TAFA4: variants seen among roughly 807,000 people sequenced by gnomAD.
TAFA4 encodes the protein chemokine-like protein TAFA-4.
In TAFA4, 20 loss-of-function variants were observed where a neutral mutation model predicts 21.1. The observed-to-expected ratio is 0.95, with a 90% CI of 0.67 to 1.38. TAFA4 has a LOEUF of 1.38. TAFA4 is among the 40% of genes most tolerant of loss of function. The pLI is 0.00. For synonymous variants in TAFA4, 71 were observed against 67.4 expected (o/e 1.05, Z -0.26); for missense variants, 211 against 180.9 (o/e 1.17, Z -0.95).
At position 68,752,977 on chromosome 3, in the gene TAFA4, C is replaced by T. The variant is rs35815841; in HGVS notation, c.172G>A (p.Val58Met). Residue 58 changes from valine to methionine, a missense_variant, in exon 4 of 6, where the codon GTG becomes ATG. Transcript: ENST00000295569. ...CGGTTCTTATTGCAGCACCTGTGCA[C>T]GGCGACCACCTCACAGGTCCCTTGC... ...IKQGTCEVVAVHRCCNKNRIE... is the reference protein window; with the variant it reads ...IKQGTCEVVAMHRCCNKNRIE... 1.1e-5 allele frequency: 18 copies of T among 1,613,720 alleles called. No homozygotes were observed. The highest frequency in any genetic ancestry group is 2.2e-5 in the South Asian group (2 of 91,066).
At chr3:68,924,468 G>C (rs1038126458) in intron 1 of TAFA4, among the ~76,000 whole-genome samples, 6 of 152,172 alleles carry the variant, frequency 3.9e-5, no homozygotes, top group Admixed American at 2.6e-4. Context: ...TGGCTGTCAG[G>C]AACTAGAAGG....
At chr3:68,904,204 GC>G (rs2089874241) in intron 1 of TAFA4, among the ~76,000 whole-genome samples, 1 of 152,184 alleles carries the variant, frequency 6.6e-6, no homozygotes, top group Admixed American at 6.5e-5. Context: ...CCTTCAGAAA[GC>G]CTATTTCAAA....
chr3:68,785,674 G>T (rs1383997765), intron 3 of TAFA4, among the ~76,000 whole-genome samples: 1 of 152,246 alleles, frequency 6.6e-6, no homozygotes, highest in Non-Finnish European at 1.5e-5. Context: ...CAAGCTGAGG[G>T]AGACGGCTCC....
At chr3:68,770,792 G>A (rs1702941243) in intron 3 of TAFA4, among the ~76,000 whole-genome samples, 1 of 152,184 alleles carries the variant, frequency 6.6e-6, no homozygotes, top group Non-Finnish European at 1.5e-5. Context: ...GGTAGAGAAG[G>A]GTGGGGTCCC....
At chr3:68,906,234 G>A (rs1011475891) in intron 1 of TAFA4, among the ~76,000 whole-genome samples, 13 of 152,166 alleles carry the variant, frequency 8.5e-5, no homozygotes, top group African/African-American at 2.2e-4. Context: ...TGTCCTGGGC[G>A]ATGATACATT....
At chr3:68,920,755 G>C (rs184424607) in intron 1 of TAFA4, among the ~76,000 whole-genome samples, 348 of 150,272 alleles carry the variant, frequency 2.3e-3, no homozygotes, top group Non-Finnish European at 3.8e-3. Context: ...TGCAGCCTAA[G>C]TGGCTGTAAT....
At chr3:68,781,225 T>C (rs797013793) in intron 3 of TAFA4, among the ~76,000 whole-genome samples, 19 of 145,804 alleles carry the variant, frequency 1.3e-4, no homozygotes, top group African/African-American at 4.5e-4. Flanking sequence ...AGATTCCATA[T>C]AACTTAAAAC....
chr3:68,792,638 T>C (rs2106815231), intron 3 of TAFA4, among the ~76,000 whole-genome samples: 1 of 152,328 alleles, frequency 6.6e-6, no homozygotes, highest in East Asian at 1.9e-4. Flanking sequence ...GATTGATTTA[T>C]TCTATCTCTT....
At chr3:68,851,500 A>T (rs912714133) in intron 3 of TAFA4, among the ~76,000 whole-genome samples, 1 of 152,134 alleles carries the variant, frequency 6.6e-6, no homozygotes, top group African/African-American at 2.4e-5. Flanking sequence ...AATAAACATA[A>T]ATTCAAATTA....
intron 1 of TAFA4, among the ~76,000 whole-genome samples, chr3:68,918,420 C>A (rs566005408): frequency 6.6e-6 from 1 of 152,324 alleles, no homozygotes; most frequent in East Asian, 1.9e-4. Flanking sequence ...CCTCTGTCAT[C>A]CTCACTCAAT....
chr3:68,834,379 CT>C (rs1022540770), intron 3 of TAFA4, among the ~76,000 whole-genome samples: 6 of 152,158 alleles, frequency 3.9e-5, no homozygotes, highest in Non-Finnish European at 5.9e-5. Context: ...ATCTATATAA[CT>C]TTTTTGTTAA....
intron 3 of TAFA4, among the ~76,000 whole-genome samples, chr3:68,856,653 G>C (rs1257977944): frequency 6.6e-6 from 1 of 152,082 alleles, no homozygotes; most frequent in Non-Finnish European, 1.5e-5. Context: ...GATATTACAG[G>C]TTCCACTTTC....
intron 3 of TAFA4, among the ~76,000 whole-genome samples, chr3:68,783,746 T>A (rs6793975): frequency 0.28 from 21,598 of 76,020 alleles, 2,031 homozygotes; most frequent in East Asian, 0.39. Context: ...AGAAAGAAAG[T>A]AAGAAAGAAA....
At chr3:68,803,435 T>C (rs1211563634) in intron 3 of TAFA4, among the ~76,000 whole-genome samples, 1 of 152,094 alleles carries the variant, frequency 6.6e-6, no homozygotes, top group Non-Finnish European at 1.5e-5. Context: ...TATTCCCAGT[T>C]GCTGTGTTTA....
At chr3:68,773,327 G>A (rs980422930) in intron 3 of TAFA4, among the ~76,000 whole-genome samples, 4 of 152,066 alleles carry the variant, frequency 2.6e-5, no homozygotes, top group Admixed American at 2.6e-4. Flanking sequence ...GGTCTGGAAG[G>A]GTCCTCGATG....
At chr3:68,828,679 G>A (rs1704310639) in intron 3 of TAFA4, among the ~76,000 whole-genome samples, 1 of 152,054 alleles carries the variant, frequency 6.6e-6, no homozygotes, top group Admixed American at 6.5e-5. Flanking sequence ...CTCTCTCTTT[G>A]TCTATTATTG....
At chr3:68,843,799 G>T (rs991183993) in intron 3 of TAFA4, among the ~76,000 whole-genome samples, 1 of 152,346 alleles carries the variant, frequency 6.6e-6, no homozygotes. Context: ...CATTGGTTCT[G>T]TTTAAGTGAT....
chr3:68,799,066 G>A (rs1468995339), intron 3 of TAFA4, among the ~76,000 whole-genome samples: 2 of 152,130 alleles, frequency 1.3e-5, no homozygotes, highest in Non-Finnish European at 2.9e-5. Context: ...GAGTTTTTGA[G>A]CAGCAAAGCA....
chr3:68,741,560 C>T (rs942730776), intron 4 of TAFA4, among the ~76,000 whole-genome samples: 2 of 151,974 alleles, frequency 1.3e-5, no homozygotes, highest in Non-Finnish European at 2.9e-5. Context: ...TTTGGGAGGT[C>T]CAGGCAGGCA....
Sources: allele counts gnomAD v4.1 joint callset (sites outside exome capture counted in the v4.1 genomes callset), GRCh38; gene constraint gnomAD v4.1.1; transcripts MANE v1.5; gene names NCBI Gene and HGNC (gene_info 2026-07-23, HGNC 2026-07-21).